The following AFG2A variants were observed in gnomAD, a reference collection of about 807,000 sequenced individuals.
AFG2A encodes the protein AAA ATPase AFG2A.
At chr4:122,937,147 AAAAC>A in the AFG2A span, among the ~76,000 whole-genome samples, 43 of 152,246 alleles carry the variant, frequency 2.8e-4, no homozygotes, top group South Asian at 8.3e-4. Context: ...CCCCGTCTCA[AAAAC>A]AAACAAACAA....
chr4:123,315,945 A>AT, the AFG2A span: 21 of 148,604 alleles, frequency 1.4e-4, 1 homozygote, highest in South Asian at 1.1e-3. Context: ...TGTCAGGCTA[A>AT]TTTTTTTTTT....
chr4:122,974,570 G>C, the AFG2A span, among the ~76,000 whole-genome samples: 2 of 152,210 alleles, frequency 1.3e-5, no homozygotes, highest in Non-Finnish European at 2.9e-5. Flanking sequence ...TGGAACTGTA[G>C]CTTGCTGTGG....
At chr4:122,935,234 T>C in the AFG2A span, among the ~76,000 whole-genome samples, 1 of 152,170 alleles carries the variant, frequency 6.6e-6, no homozygotes, top group Non-Finnish European at 1.5e-5. Context: ...TCCTTTCTCA[T>C]AAATCTTATA....
chr4:122,955,919 G>A, the AFG2A span, among the ~76,000 whole-genome samples: 3 of 152,192 alleles, frequency 2.0e-5, no homozygotes, highest in African/African-American at 7.2e-5. Context: ...GGATTACCTA[G>A]GGATCAAAAA....
the AFG2A span, among the ~76,000 whole-genome samples, chr4:123,149,484 A>G: frequency 6.6e-6 from 1 of 152,236 alleles, no homozygotes; most frequent in Non-Finnish European, 1.5e-5. Context: ...TTCGATTTGT[A>G]CTTTTCAATT....
the AFG2A span, among the ~76,000 whole-genome samples, chr4:123,306,316 G>A: frequency 2.6e-5 from 4 of 152,124 alleles, no homozygotes; most frequent in East Asian, 5.8e-4. Context: ...ATATTCGATC[G>A]TCAGATCTAT....
At chr4:123,088,814 T>C in the AFG2A span, among the ~76,000 whole-genome samples, 1 of 152,142 alleles carries the variant, frequency 6.6e-6, no homozygotes. Flanking sequence ...CGGTCATGCT[T>C]GCTGTTAAGT....
chr4:122,972,552 T>C, the AFG2A span, among the ~76,000 whole-genome samples: 2 of 151,830 alleles, frequency 1.3e-5, no homozygotes, highest in African/African-American at 4.8e-5. Flanking sequence ...TTTTTTTTTT[T>C]TATCTACATT....
the AFG2A span, among the ~76,000 whole-genome samples, chr4:123,024,227 C>CAA: frequency 4.1e-3 from 506 of 123,576 alleles, 12 homozygotes; most frequent in East Asian, 0.055. Flanking sequence ...AGACTATAAG[C>CAA]AAAAAAAAAA....
At chr4:123,282,155 CCCAGTTTT>C in the AFG2A span, among the ~76,000 whole-genome samples, 7 of 152,056 alleles carry the variant, frequency 4.6e-5, no homozygotes, top group Admixed American at 6.6e-5. Flanking sequence ...GTACTTTATG[CCCAGTTTT>C]ACTGTGAACC....
chr4:123,081,162 C>T, the AFG2A span, among the ~76,000 whole-genome samples: 6 of 152,318 alleles, frequency 3.9e-5, no homozygotes, highest in African/African-American at 1.2e-4. Flanking sequence ...ATTGTACATT[C>T]TGTGGGTTTG....
the AFG2A span, among the ~76,000 whole-genome samples, chr4:123,247,224 C>CGTGTGTGTGT: frequency 0.023 from 3,512 of 149,702 alleles, 105 homozygotes; most frequent in Admixed American, 0.083. Flanking sequence ...TACTTGCGTG[C>CGTGTGTGTGT]GTGTGTGTGT....
chr4:123,226,985 A>T, the AFG2A span, among the ~76,000 whole-genome samples: 1 of 152,230 alleles, frequency 6.6e-6, no homozygotes, highest in East Asian at 1.9e-4. Flanking sequence ...TAGATTTTCC[A>T]GTTTATTTGC....
chr4:123,046,060 G>T, the AFG2A span, among the ~76,000 whole-genome samples: 2 of 151,134 alleles, frequency 1.3e-5, no homozygotes, highest in African/African-American at 2.4e-5. Context: ...TTGCACCACT[G>T]CCCTCCAGCG....
the AFG2A span, among the ~76,000 whole-genome samples, chr4:123,117,513 T>G: frequency 6.6e-6 from 1 of 150,542 alleles, no homozygotes; most frequent in South Asian, 2.2e-4. Flanking sequence ...CCTATAAACA[T>G]ATTTAATGAT....
chr4:123,056,379 T>C, the AFG2A span: 1 of 1,609,368 alleles, frequency 6.2e-7, no homozygotes, highest in Non-Finnish European at 8.5e-7. Flanking sequence ...TGTTTTCTTT[T>C]CATGCAGGGG....
chr4:123,044,494 C>T, the AFG2A span, among the ~76,000 whole-genome samples: 1 of 152,106 alleles, frequency 6.6e-6, no homozygotes, highest in African/African-American at 2.4e-5. Context: ...CCAAGCTTCA[C>T]CATAAATTTG....
chr4:123,078,028 T>G, the AFG2A span, among the ~76,000 whole-genome samples: 3 of 152,140 alleles, frequency 2.0e-5, no homozygotes, highest in Non-Finnish European at 4.4e-5. Flanking sequence ...CAAAGTAGCA[T>G]GGGAGAGGGT....
At chr4:123,037,741 G>A in the AFG2A span, among the ~76,000 whole-genome samples, 2 of 152,062 alleles carry the variant, frequency 1.3e-5, no homozygotes, top group African/African-American at 4.8e-5. Context: ...TGCTGGTACT[G>A]TGTAAAATCT....
Sources: allele counts gnomAD v4.1 joint callset (sites outside exome capture counted in the v4.1 genomes callset), GRCh38; gene constraint gnomAD v4.1.1; transcripts MANE v1.5; gene names NCBI Gene and HGNC (gene_info 2026-07-23, HGNC 2026-07-21).